The following PRLR variants were observed in gnomAD, a reference collection of about 807,000 sequenced individuals.
The protein encoded by PRLR is prolactin receptor.
A neutral mutation model predicts 40.2 loss-of-function variants in PRLR; 13 were observed. The ratio of observed to expected loss-of-function variants is 0.32; its 90% CI spans 0.21 to 0.51. The LOEUF is 0.51. Among genes scored for constraint, PRLR ranks in the 20% least tolerant of loss-of-function variants. The probability of loss-of-function intolerance (pLI) is 0.97; values close to 1 mark genes in which losing one functional copy is unlikely to be tolerated. For synonymous variants in PRLR, 269 were observed against 278.7 expected (o/e 0.97, Z 0.35); for missense variants, 656 against 747.3 (o/e 0.88, Z 1.42).
At chr5:35,087,392 T>A (rs769442594) in intron 3 of PRLR, among the ~76,000 whole-genome samples, 2 of 151,706 alleles carry the variant, frequency 1.3e-5, no homozygotes. Context: ...TTTAGTCCTT[T>A]TTTTTCTCTT....
At chr5:35,071,072 G>A (rs1265331910) in intron 6 of PRLR, among the ~76,000 whole-genome samples, 1 of 152,058 alleles carries the variant, frequency 6.6e-6, no homozygotes, top group Non-Finnish European at 1.5e-5. Flanking sequence ...CACTTATGGT[G>A]GGTCAACCAG....
intron 1 of PRLR, among the ~76,000 whole-genome samples, chr5:35,219,126 C>T (rs1426687131): frequency 6.6e-6 from 1 of 152,152 alleles, no homozygotes; most frequent in Non-Finnish European, 1.5e-5. Flanking sequence ...CTAGATTATG[C>T]CATCTCCCCA....
intron 1 of PRLR, among the ~76,000 whole-genome samples, chr5:35,182,920 G>A (rs949445243): frequency 1.3e-5 from 2 of 152,200 alleles, no homozygotes; most frequent in African/African-American, 4.8e-5. Flanking sequence ...AACAGTTAAT[G>A]TGGGAAATAA....
chr5:35,070,352 G>A, intron 6 of PRLR, 87 bp from the exon 7 acceptor site: 2 of 1,414,932 alleles, frequency 1.4e-6, no homozygotes, highest in Non-Finnish European at 2.0e-6. Context: ...ACTAAGTTAG[G>A]CTGAACAATC....
intron 1 of PRLR, among the ~76,000 whole-genome samples, chr5:35,191,430 C>G (rs1775605157): frequency 6.6e-6 from 1 of 152,162 alleles, no homozygotes; most frequent in South Asian, 2.1e-4. Flanking sequence ...AACAGGAAGT[C>G]TGAGGTGGCC....
At chr5:35,207,712 A>C (rs1353100422) in intron 1 of PRLR, among the ~76,000 whole-genome samples, 1 of 152,050 alleles carries the variant, frequency 6.6e-6, no homozygotes, top group African/African-American at 2.4e-5. Flanking sequence ...ATTCTCCAAA[A>C]ACTGAAAAAT....
chr5:35,141,180 GT>G lies in PRLR; in HGVS notation c.-105-23059del, dbSNP rs1310763163. On this transcript the variant is annotated intron_variant, in intron 1 of 9. Transcript: ENST00000618457. Reference sequence around the variant, plus strand: ...AGAAGGAGTCTGGGTCCCCAACACTGTTGTTTGGCTATTTCATCATTCATGT... The same window carrying G: ...AGAAGGAGTCTGGGTCCCCAACACTGTGTTTGGCTATTTCATCATTCATGT... Among the ~76,000 whole-genome samples the G allele has an allele frequency of 2.0e-5, 3 of 150,910 alleles. No homozygotes were observed. The East Asian group carries it at 5.9e-4, about 30-fold the overall frequency.
chr5:35,132,260 C>T (rs1773713923), intron 1 of PRLR, among the ~76,000 whole-genome samples: 3 of 152,160 alleles, frequency 2.0e-5, no homozygotes, highest in Admixed American at 1.3e-4. Context: ...TCTAAAGTCT[C>T]TAGTCTCTTG....
chr5:35,158,945 C>G (rs982624260), intron 1 of PRLR, among the ~76,000 whole-genome samples: 3 of 152,170 alleles, frequency 2.0e-5, no homozygotes, highest in Non-Finnish European at 4.4e-5. Context: ...CCAGTGAGTT[C>G]AGACTTTTGA....
intron 1 of PRLR, among the ~76,000 whole-genome samples, chr5:35,131,357 G>C (rs1234063918): frequency 3.3e-5 from 5 of 152,138 alleles, no homozygotes; most frequent in Non-Finnish European, 7.3e-5. Context: ...AAGAGATCCA[G>C]AGCTAGAAAA....
At chr5:35,147,641 C>T (rs961720386) in intron 1 of PRLR, among the ~76,000 whole-genome samples, 1 of 151,986 alleles carries the variant, frequency 6.6e-6, no homozygotes, top group African/African-American at 2.4e-5. Flanking sequence ...AGAATAAATC[C>T]TAAAACAAGA....
intron 5 of PRLR, among the ~76,000 whole-genome samples, chr5:35,074,459 T>C (rs1018412759): frequency 4.0e-5 from 6 of 148,878 alleles, no homozygotes; most frequent in Non-Finnish European, 8.9e-5. Flanking sequence ...CGAAACTCCA[T>C]TTCAAAAAAA....
intron 1 of PRLR, among the ~76,000 whole-genome samples, chr5:35,201,832 G>A (rs754026296): frequency 1.3e-5 from 2 of 152,118 alleles, no homozygotes; most frequent in African/African-American, 4.8e-5. Flanking sequence ...TTAGAGACAG[G>A]ATGGGATGAA....
intron 1 of PRLR, among the ~76,000 whole-genome samples, chr5:35,217,142 A>G (rs1348000325): frequency 6.6e-6 from 1 of 152,136 alleles, no homozygotes; most frequent in Non-Finnish European, 1.5e-5. Context: ...GAAACTTCTG[A>G]GGCCTGTGAT....
At chr5:35,216,981 A>G (rs1776301267) in intron 1 of PRLR, among the ~76,000 whole-genome samples, 1 of 152,174 alleles carries the variant, frequency 6.6e-6, no homozygotes, top group Non-Finnish European at 1.5e-5. Context: ...TCATGAGTGT[A>G]GTAAGTACAT....
rs1773479087 is a variant in PRLR at position 35,126,639 on chromosome 5, T to A, written c.-105-8517A>T. ...CGACTTGTGCCACTATCTAGTCTTG[T>A]GACCTTGAGCAAGGCATGTAAGTTC... is the stretch of plus-strand genomic sequence containing the variant. On this transcript the variant is annotated intron_variant, in intron 1 of 9. Transcript: ENST00000618457. 2.0e-5 allele frequency among the ~76,000 whole-genome samples: 3 copies of A among 152,230 alleles called. No individual in the cohort carries two copies. The South Asian group carries it at 6.2e-4, about 32-fold the overall frequency.
intron 1 of PRLR, among the ~76,000 whole-genome samples, chr5:35,208,500 T>C (rs1220352088): frequency 3.3e-5 from 5 of 152,230 alleles, no homozygotes; most frequent in Non-Finnish European, 5.9e-5. Context: ...CTTGTTTTTC[T>C]GTCTTACCTC....
intron 1 of PRLR, among the ~76,000 whole-genome samples, chr5:35,197,353 A>G (rs1420220023): frequency 6.6e-6 from 1 of 152,092 alleles, no homozygotes; most frequent in Non-Finnish European, 1.5e-5. Context: ...CTTTCTCTGA[A>G]TCTTAATCAA....
At chr5:35,103,994 G>C (rs1329249525) in intron 2 of PRLR, among the ~76,000 whole-genome samples, 2 of 152,088 alleles carry the variant, frequency 1.3e-5, no homozygotes, top group African/African-American at 4.8e-5. Flanking sequence ...CAGGCGAACA[G>C]AGCCCAAGTA....
Sources: allele counts gnomAD v4.1 joint callset (sites outside exome capture counted in the v4.1 genomes callset), GRCh38; gene constraint gnomAD v4.1.1; transcripts MANE v1.5; gene names NCBI Gene and HGNC (gene_info 2026-07-23, HGNC 2026-07-21).